Variants in EDC3 observed in about 807,000 individuals in gnomAD.
The protein encoded by EDC3 is enhancer of mRNA decapping 3, also known as enhancer of mRNA-decapping protein 3.
EDC3 carries 20 observed loss-of-function variants against 41.8 expected under a neutral mutation model. The observed-to-expected ratio is 0.48, with a 90% CI of 0.34 to 0.70. The LOEUF (loss-of-function observed/expected upper bound fraction) is 0.70. Ranked by LOEUF, EDC3 falls within the 30% of genes least tolerant of loss-of-function variation. EDC3 has a pLI of 0.01. For synonymous variants in EDC3, 206 were observed against 243.2 expected, an observed-to-expected ratio of 0.85 and a Z score of 1.42; for missense variants, 444 against 636.8, an observed-to-expected ratio of 0.70 and a Z score of 3.26.
At chr15:74,661,792 A>G (rs2062624557) in intron 3 of EDC3, among the ~76,000 whole-genome samples, 1 of 152,030 alleles carries the variant, frequency 6.6e-6, no homozygotes, top group Non-Finnish European at 1.5e-5. Flanking sequence ...CAAAAATGAA[A>G]AACAATTCAG....
rs777773239 is a variant in EDC3 at position 74,631,204 on chromosome 15, G to A, written c.*1408C>T. ...GGGAAGTGATAACAGCCTGAAACCCGTGGTACCAGGGCCTACCCTATGTCC... is the reference window on the plus strand; with the variant it reads ...GGGAAGTGATAACAGCCTGAAACCCATGGTACCAGGGCCTACCCTATGTCC... On this transcript the variant is annotated 3_prime_UTR_variant, in exon 7 of 7. Transcript: ENST00000315127. The A allele has an allele frequency of 1.3e-5, 2 of 152,274 alleles. No homozygotes were observed. The highest frequency in any genetic ancestry group is 4.8e-5 in the African/African-American group (2 of 41,458). 9.4% of individuals were successfully genotyped at this position (152,274 alleles called of 1,614,324 possible).
At chr15:74,663,944 T>TA (rs1464820078) in intron 3 of EDC3, among the ~76,000 whole-genome samples, 1 of 152,200 alleles carries the variant, frequency 6.6e-6, no homozygotes, top group East Asian at 1.9e-4. Context: ...TGTAGGACTC[T>TA]ACAAACATAA....
intron 3 of EDC3, among the ~76,000 whole-genome samples, chr15:74,666,415 C>T (rs1323621434): frequency 6.6e-6 from 1 of 152,016 alleles, no homozygotes; most frequent in Non-Finnish European, 1.5e-5. Context: ...ACAGCAAAAG[C>T]AGAATAACCA....
chr15:74,675,741 C>T (rs1328326747), intron 1 of EDC3, among the ~76,000 whole-genome samples: 2 of 151,134 alleles, frequency 1.3e-5, no homozygotes, highest in Non-Finnish European at 2.9e-5. Context: ...ATTAGCCAGG[C>T]GTGGTGGCGG....
At position 74,671,253 on chromosome 15, in the gene EDC3, C is replaced by T. The variant is rs2062734495; in HGVS notation, c.484+202G>A. Among the ~76,000 whole-genome samples, 1 of 152,210 alleles carries T rather than the reference C, an allele frequency of 6.6e-6. No individual in the cohort carries two copies. Among genetic ancestry groups the T allele is most frequent in the South Asian group, 2.1e-4 (1 of 4,830 alleles). On this transcript the variant is annotated intron_variant, in intron 3 of 6. Transcript: ENST00000315127. The surrounding 1 kb of genome is among the most constrained non-coding windows in gnomAD (Gnocchi z 4.6). ...TAAGAGAGGGCAGGAAGCTCACAGG[C>T]ATCCCTAACAGCTTATTTCCTTTCC...
rs181346572 is a variant in EDC3 at position 74,632,187 on chromosome 15, G to A, written c.*425C>T. ...GTTCTACAGAGGAAGGGCTGTCTGC[G>A]TGGGGAAAGCAGGGGAGACACAAAG... On this transcript the variant is annotated 3_prime_UTR_variant, in exon 7 of 7. Transcript: ENST00000315127. The surrounding 1 kb of genome is among the most constrained non-coding windows in gnomAD (Gnocchi z 4.0). 107 of 209,858 alleles carry A rather than the reference G, an allele frequency of 5.1e-4. No individual in the cohort carries two copies. Among genetic ancestry groups the A allele is most frequent in the Non-Finnish European group, 6.6e-4 (67 of 102,024 alleles). The allele number at this position is 209,858 out of a possible 1,614,324, so 13.0% of individuals were successfully genotyped here.
At chr15:74,678,791 G>A (rs1208789309) in intron 1 of EDC3, among the ~76,000 whole-genome samples, 2 of 151,694 alleles carry the variant, frequency 1.3e-5, no homozygotes, top group Non-Finnish European at 2.9e-5. Flanking sequence ...TCAAGAGGCT[G>A]AGGCAGAAGA....
chr15:74,636,956 G>C (rs1401787674), intron 5 of EDC3: 3 of 152,250 alleles, frequency 2.0e-5, no homozygotes, highest in African/African-American at 7.2e-5. Flanking sequence ...GCAAGGTGTA[G>C]AGTATATGGG....
chr15:74,658,214 G>A (rs978550745), intron 3 of EDC3, among the ~76,000 whole-genome samples: 1 of 152,060 alleles, frequency 6.6e-6, no homozygotes, highest in African/African-American at 2.4e-5. Flanking sequence ...TGAAAGACTG[G>A]GCTCTTCAAT....
intron 4 of EDC3, chr15:74,644,598 T>C (rs534596048): frequency 2.6e-5 from 4 of 151,966 alleles, no homozygotes; most frequent in African/African-American, 9.6e-5. Context: ...CACGTGTGTA[T>C]ACCTATGTAA....
chr15:74,647,683 A>C (rs1210179227), intron 4 of EDC3, among the ~76,000 whole-genome samples: 1 of 152,216 alleles, frequency 6.6e-6, no homozygotes, highest in African/African-American at 2.4e-5. Flanking sequence ...ATTCCAAGGT[A>C]AAGAAAGGGA....
intron 1 of EDC3, among the ~76,000 whole-genome samples, chr15:74,675,846 AC>A (rs1567176711): frequency 6.6e-6 from 1 of 150,570 alleles, no homozygotes; most frequent in Non-Finnish European, 1.5e-5. Flanking sequence ...ACACCACTGC[AC>A]TCCAGCCTGG....
At chr15:74,635,361 T>G in intron 6 of EDC3, 48 bp downstream of exon 6, 1 of 1,574,500 alleles carries the variant, frequency 6.4e-7, no homozygotes, top group South Asian at 1.1e-5. Flanking sequence ...ACCATCAAAC[T>G]GCTAAGGAGG....
chr15:74,667,586 A>T (rs919794384), intron 3 of EDC3, among the ~76,000 whole-genome samples: 3 of 152,082 alleles, frequency 2.0e-5, no homozygotes, highest in Admixed American at 6.6e-5. Flanking sequence ...TAAAAAAAAA[A>T]AAAAATAAAA....
chr15:74,676,716 G>T (rs564776459), intron 1 of EDC3, among the ~76,000 whole-genome samples: 1 of 152,114 alleles, frequency 6.6e-6, no homozygotes, highest in Non-Finnish European at 1.5e-5. Context: ...AAATATTTGT[G>T]AAAGACATAT....
At chr15:74,662,363 T>A (rs935412828) in intron 3 of EDC3, among the ~76,000 whole-genome samples, 2 of 151,954 alleles carry the variant, frequency 1.3e-5, no homozygotes, top group Non-Finnish European at 2.9e-5. Flanking sequence ...CCCAACACTA[T>A]GCCCAGTTCA....
At chr15:74,664,457 ACAGAGG>A (rs2062656166) in intron 3 of EDC3, among the ~76,000 whole-genome samples, 1 of 152,248 alleles carries the variant, frequency 6.6e-6, no homozygotes, top group Non-Finnish European at 1.5e-5. Flanking sequence ...ACCCTTTGGC[ACAGAGG>A]CCCTTTGGCC....
intron 3 of EDC3, among the ~76,000 whole-genome samples, chr15:74,658,624 GAAAAAAAAAAAA>G (rs60193835): frequency 1.5e-4 from 6 of 39,044 alleles, no homozygotes; most frequent in African/African-American, 2.0e-4. Flanking sequence ...TTACGTCTCT[GAAAAAAAAAAAA>G]AAAAAAAAAA....
chr15:74,659,919 C>A (rs1047525561), intron 3 of EDC3, among the ~76,000 whole-genome samples: 4 of 151,862 alleles, frequency 2.6e-5, no homozygotes, highest in Non-Finnish European at 5.9e-5. Context: ...GTGGCGCGCA[C>A]ATGTAGTCCC....
Sources: gnomAD v4.1 joint callset for allele counts (sites outside exome capture counted in the v4.1 genomes callset) on GRCh38, gnomAD v4.1.1 for gene constraint, Gnocchi (gnomAD v3.1) non-coding constraint, MANE v1.5 for transcripts, NCBI Gene and HGNC (gene_info 2026-07-23, HGNC 2026-07-21) for gene names.